The following NRXN1 variants were observed in gnomAD, a reference collection of about 807,000 sequenced individuals.
NRXN1 encodes neurexin-1.
A neutral mutation model predicts 150.9 loss-of-function variants in NRXN1; 39 were observed. The ratio of observed to expected loss-of-function variants is 0.26; its 90% CI spans 0.20 to 0.34. The LOEUF is 0.34. NRXN1 is among the 10% of genes least tolerant of loss of function. The pLI is 1.00. For missense variants in NRXN1, 1,815 were observed against 1,949.9 expected, an observed-to-expected ratio of 0.93 and a Z score of 1.30; for synonymous variants, 924 against 757.0, an observed-to-expected ratio of 1.22 and a Z score of -3.62.
At chr2:50,872,160 A>AT (rs1309439348) in intron 5 of NRXN1, among the ~76,000 whole-genome samples, 10 of 151,754 alleles carry the variant, frequency 6.6e-5, no homozygotes, top group Admixed American at 1.3e-4. Context: ...TCTTTTATAT[A>AT]TTTTTCATAT....
intron 2 of NRXN1, among the ~76,000 whole-genome samples, chr2:50,986,436 A>T (rs1697719358): frequency 6.6e-6 from 1 of 151,818 alleles, no homozygotes; most frequent in Non-Finnish European, 1.5e-5. Flanking sequence ...AACAACCTAA[A>T]TATTTACCAA....
intron 2 of NRXN1, among the ~76,000 whole-genome samples, chr2:50,955,789 C>T (rs1692185918): frequency 1.3e-5 from 2 of 152,124 alleles, no homozygotes; most frequent in Admixed American, 6.5e-5. Context: ...CATAACTTAG[C>T]ACAGAAACTG....
chr2:49,983,622 G>T (rs1028297487), intron 21 of NRXN1, among the ~76,000 whole-genome samples: 1 of 151,976 alleles, frequency 6.6e-6, no homozygotes, highest in African/African-American at 2.4e-5. Flanking sequence ...AGGTATTCTG[G>T]AATCAGAAAA....
At chr2:50,038,360 G>A (rs574515593) in intron 21 of NRXN1, among the ~76,000 whole-genome samples, 2 of 152,270 alleles carry the variant, frequency 1.3e-5, no homozygotes, top group East Asian at 3.9e-4. Context: ...CTCCTATCCT[G>A]GGCTTTCTCT....
At chr2:51,012,004 A>T (rs1450149480) in intron 2 of NRXN1, among the ~76,000 whole-genome samples, 1 of 152,012 alleles carries the variant, frequency 6.6e-6, no homozygotes, top group Non-Finnish European at 1.5e-5. Flanking sequence ...ACAACTAGTC[A>T]CACTGGATAT....
chr2:50,782,080 T>C (rs1053893052), intron 5 of NRXN1, among the ~76,000 whole-genome samples: 16 of 152,336 alleles, frequency 1.1e-4, no homozygotes, highest in African/African-American at 3.6e-4. Context: ...TGTTTTCTTT[T>C]CTTGAATGAC....
At chr2:50,968,053 TTAAAA>T (rs1220417083) in intron 2 of NRXN1, among the ~76,000 whole-genome samples, 2 of 152,102 alleles carry the variant, frequency 1.3e-5, no homozygotes, top group East Asian at 1.9e-4. Context: ...AAATTTATGA[TTAAAA>T]TAAAATAAGA....
intron 2 of NRXN1, among the ~76,000 whole-genome samples, chr2:50,975,731 G>A (rs74989864): frequency 0.016 from 2,380 of 152,024 alleles, 53 homozygotes; most frequent in African/African-American, 0.054. Flanking sequence ...GAATTCACAC[G>A]GGAATGCGAA....
chr2:50,583,936 A>G (rs1021291597), intron 8 of NRXN1, among the ~76,000 whole-genome samples: 4 of 152,194 alleles, frequency 2.6e-5, no homozygotes, highest in Non-Finnish European at 5.9e-5. Context: ...CTTGACCCCA[A>G]GTGACTAGTG....
At chr2:50,897,192 A>G (rs761714720) in intron 5 of NRXN1, among the ~76,000 whole-genome samples, 15 of 152,202 alleles carry the variant, frequency 9.9e-5, no homozygotes, top group Non-Finnish European at 1.9e-4. Flanking sequence ...TCTGTGCTTC[A>G]CCTAACAAAT....
chr2:50,772,653 T>A (rs563602209), intron 5 of NRXN1, among the ~76,000 whole-genome samples: 1 of 152,140 alleles, frequency 6.6e-6, no homozygotes, highest in African/African-American at 2.4e-5. Context: ...AATGTGATTT[T>A]CAAATTACAA....
chr2:50,260,018 G>A (rs916819573), intron 17 of NRXN1, among the ~76,000 whole-genome samples: 1 of 151,792 alleles, frequency 6.6e-6, no homozygotes, highest in Non-Finnish European at 1.5e-5. Flanking sequence ...AGTGGGAGGA[G>A]AGAAGGAAAT....
At chr2:49,981,186 A>AG (rs1242368587) in intron 21 of NRXN1, among the ~76,000 whole-genome samples, 1 of 152,108 alleles carries the variant, frequency 6.6e-6, no homozygotes, top group Non-Finnish European at 1.5e-5. Flanking sequence ...GAAGGATGAC[A>AG]TACTATTCAC....
At chr2:50,538,749 A>G in intron 9 of NRXN1, 113 bp from the exon 10 acceptor site, 1 of 835,524 alleles carries the variant, frequency 1.2e-6, no homozygotes, top group South Asian at 4.7e-5. Context: ...GACAATTATT[A>G]TTATTCTTTC....
Position 50,584,787 on chromosome 2 carries a change from C to T in NRXN1, c.1321-31762G>A, listed in dbSNP as rs144681193. Among the ~76,000 whole-genome samples, 713 of 152,196 alleles carry T rather than the reference C, an allele frequency of 4.7e-3. 5 individuals are homozygous for T. Among genetic ancestry groups the T allele is most frequent in the African/African-American group, 0.016 (663 of 41,526 alleles). On this transcript the variant is annotated intron_variant, in intron 8 of 22. Coordinates refer to ENST00000401669, the MANE Select transcript of NRXN1 (RefSeq NM_001330078.2). ...AAATGCTGCAACCACAGTATATCTACATGAATGTGATGGAAATATGAGAGT... is the reference window on the plus strand; with the variant it reads ...AAATGCTGCAACCACAGTATATCTATATGAATGTGATGGAAATATGAGAGT...
At chr2:50,052,607 T>C (rs1692900599) in intron 21 of NRXN1, among the ~76,000 whole-genome samples, 1 of 152,150 alleles carries the variant, frequency 6.6e-6, no homozygotes, top group African/African-American at 2.4e-5. Flanking sequence ...AAAAATCATA[T>C]TCTTCAAAAA....
intron 17 of NRXN1, among the ~76,000 whole-genome samples, chr2:50,274,197 T>TA (rs143083922): frequency 0.083 from 12,617 of 152,038 alleles, 623 homozygotes; most frequent in Middle Eastern, 0.15. Flanking sequence ...TATGCAGCCA[T>TA]AAAAAAAGAT....
chr2:50,128,162 C>A (rs1376623821), intron 18 of NRXN1, among the ~76,000 whole-genome samples: 1 of 152,124 alleles, frequency 6.6e-6, no homozygotes, highest in Non-Finnish European at 1.5e-5. Context: ...GTTTGTCCTG[C>A]TCAGCACTGC....
At chr2:50,444,222 T>C (rs1397507659) in intron 17 of NRXN1, among the ~76,000 whole-genome samples, 1 of 152,210 alleles carries the variant, frequency 6.6e-6, no homozygotes, top group Non-Finnish European at 1.5e-5. Context: ...AATTTTAGCC[T>C]TGGGGTATCC....
Sources: allele counts gnomAD v4.1 joint callset (sites outside exome capture counted in the v4.1 genomes callset), GRCh38; gene constraint gnomAD v4.1.1; transcripts MANE v1.5; gene names NCBI Gene and HGNC (gene_info 2026-07-23, HGNC 2026-07-21).